TBL1XR1: variants seen among roughly 807,000 people sequenced by gnomAD.
TBL1XR1 encodes the protein TBL1X/Y related 1.
TBL1XR1 carries 5 observed loss-of-function variants against 66.9 expected under a neutral mutation model. The ratio of observed to expected loss-of-function variants is 0.07; its 90% CI spans 0.04 to 0.16. The LOEUF (loss-of-function observed/expected upper bound fraction) is 0.16, where lower values mean the gene tolerates loss of function less well. Ranked by LOEUF, TBL1XR1 falls within the 10% of genes least tolerant of loss-of-function variation. TBL1XR1 has a pLI of 1.00. For missense variants in TBL1XR1, 238 were observed against 623.2 expected (o/e 0.38, Z 6.58); for synonymous variants, 210 against 206.0 (o/e 1.02, Z -0.17).
intron 1 of TBL1XR1, among the ~76,000 whole-genome samples, chr3:177,184,344 A>G (rs989534751): frequency 6.6e-6 from 1 of 152,248 alleles, no homozygotes; most frequent in African/African-American, 2.4e-5. Context: ...TACTATAATT[A>G]TTAAAGTCAA....
At chr3:177,175,738 T>A (rs1421576584) in intron 1 of TBL1XR1, among the ~76,000 whole-genome samples, 1 of 152,104 alleles carries the variant, frequency 6.6e-6, no homozygotes, top group Non-Finnish European at 1.5e-5. Flanking sequence ...TTTACTTATT[T>A]TGGTGACCTA....
At chr3:177,120,915 A>G (rs1726910066) in intron 1 of TBL1XR1, 1 of 152,210 alleles carries the variant, frequency 6.6e-6, no homozygotes, top group Non-Finnish European at 1.5e-5. Context: ...TATTTTATAC[A>G]TGGCCCTAAA....
chr3:177,087,705 T>A (rs891447531), intron 2 of TBL1XR1, among the ~76,000 whole-genome samples: 24 of 146,370 alleles, frequency 1.6e-4, no homozygotes, highest in Admixed American at 4.9e-4. Context: ...TTTTTTTTTT[T>A]AAATCATGCA....
chr3:177,046,060 T>C, intron 10 of TBL1XR1, 69 bp downstream of exon 10: 1 of 1,157,400 alleles, frequency 8.6e-7, no homozygotes, highest in Non-Finnish European at 1.2e-6. Flanking sequence ...ATAAATTATA[T>C]GCTGTTAAAA....
At chr3:177,150,299 A>C (rs902334185) in intron 1 of TBL1XR1, among the ~76,000 whole-genome samples, 3 of 152,202 alleles carry the variant, frequency 2.0e-5, no homozygotes, top group African/African-American at 7.2e-5. Flanking sequence ...AGAGGAGCAA[A>C]CAGTGTGGTG....
At chr3:177,146,544 C>T (rs1454229620) in intron 1 of TBL1XR1, among the ~76,000 whole-genome samples, 51 of 138,536 alleles carry the variant, frequency 3.7e-4, no homozygotes, top group Non-Finnish European at 1.7e-4. Flanking sequence ...AAGCCAAGAT[C>T]ACGCCACTGC....
At chr3:177,140,763 T>A (rs1729539756) in intron 1 of TBL1XR1, among the ~76,000 whole-genome samples, 1 of 152,202 alleles carries the variant, frequency 6.6e-6, no homozygotes, top group African/African-American at 2.4e-5. Flanking sequence ...ATAATAGTCA[T>A]AACAGTAATT....
At chr3:177,174,012 T>C (rs1486646621) in intron 1 of TBL1XR1, among the ~76,000 whole-genome samples, 5 of 152,280 alleles carry the variant, frequency 3.3e-5, no homozygotes, top group South Asian at 2.1e-4. Flanking sequence ...TAATCCGAAA[T>C]TCAAAAATTA....
upstream of TBL1XR1, among the ~76,000 whole-genome samples, chr3:177,199,851 G>A (rs375379724): frequency 6.6e-5 from 10 of 152,136 alleles, no homozygotes; most frequent in African/African-American, 1.9e-4. Context: ...ATTTCTGTGC[G>A]TAAATGACTG....
chr3:177,153,317 GAAA>G (rs1731113739), intron 1 of TBL1XR1, among the ~76,000 whole-genome samples: 1 of 152,124 alleles, frequency 6.6e-6, no homozygotes, highest in South Asian at 2.1e-4. Flanking sequence ...TCAGCAGAAA[GAAA>G]ACAGCAGATA....
Position 177,038,388 on chromosome 3 carries a change from A to G in TBL1XR1, c.972T>C (p.Ser324=). The change falls in exon 11 of 16, where the codon TCT becomes TCC. Residue 324 remains serine (S), a synonymous_variant. Coordinates refer to ENST00000457928, the MANE Select transcript of TBL1XR1 (RefSeq NM_024665.7). ...VDWQSNNTFA[S]CSTDMCIHVC... is the part of the protein sequence containing the mutation. ...CATGAATGCACATATCTGTACTACA[A>G]GAAGCAAAGGTGTTGTTGCTCTGCC... The G allele has an allele frequency of 1.3e-6, 2 of 1,579,664 alleles. No homozygotes were observed. The highest frequency in any genetic ancestry group is 1.7e-6 in the Non-Finnish European group (2 of 1,160,816).
intron 1 of TBL1XR1, among the ~76,000 whole-genome samples, chr3:177,193,147 C>T (rs527281369): frequency 2.4e-4 from 37 of 151,232 alleles, no homozygotes; most frequent in African/African-American, 4.1e-4. Flanking sequence ...AGCGAAACTC[C>T]GTCTCAAAAA....
At chr3:177,032,847 T>G in intron 14 of TBL1XR1, 124 bp downstream of exon 14, 1 of 801,212 alleles carries the variant, frequency 1.2e-6, no homozygotes, top group Non-Finnish European at 1.7e-6. Flanking sequence ...CTATCTTATT[T>G]TAAAACCAAT....
chr3:177,148,113 GAAGA>G (rs1253945470), intron 1 of TBL1XR1, among the ~76,000 whole-genome samples: 1 of 152,154 alleles, frequency 6.6e-6, no homozygotes, highest in Non-Finnish European at 1.5e-5. Flanking sequence ...TGTTCTGAAT[GAAGA>G]ATCAATTTTA....
chr3:177,177,175 T>C (rs762411599), intron 1 of TBL1XR1, among the ~76,000 whole-genome samples: 15 of 152,038 alleles, frequency 9.9e-5, no homozygotes, highest in Admixed American at 2.6e-4. Flanking sequence ...GAAGTTTCTA[T>C]CATATAACTA....
chr3:177,194,609 C>A (rs1348266698), intron 1 of TBL1XR1, among the ~76,000 whole-genome samples: 1 of 152,168 alleles, frequency 6.6e-6, no homozygotes, highest in African/African-American at 2.4e-5. Context: ...TGTATATATA[C>A]TGCACTGATA....
At chr3:177,084,099 A>AG (rs1364434912) in intron 2 of TBL1XR1, among the ~76,000 whole-genome samples, 1 of 148,686 alleles carries the variant, frequency 6.7e-6, no homozygotes, top group Admixed American at 6.9e-5. Flanking sequence ...AAAAAAAAAA[A>AG]AAAGAAAAAA....
intron 1 of TBL1XR1, among the ~76,000 whole-genome samples, chr3:177,184,667 G>A (rs1050114005): frequency 5.9e-5 from 9 of 152,096 alleles, no homozygotes; most frequent in Non-Finnish European, 1.3e-4. Context: ...CAGGTATGGT[G>A]GCACATGCCT....
intron 7 of TBL1XR1, 200 bp from the exon 8 acceptor site, chr3:177,047,749 GGCC>G (rs755860621): frequency 1.4e-5 from 8 of 557,742 alleles, no homozygotes; most frequent in Non-Finnish European, 2.2e-5. Context: ...GTTGTATGGG[GGCC>G]TTATATCCAA....
Sources: gnomAD v4.1 joint callset for allele counts (sites outside exome capture counted in the v4.1 genomes callset) on GRCh38, gnomAD v4.1.1 for gene constraint, MANE v1.5 for transcripts, NCBI Gene and HGNC (gene_info 2026-07-23, HGNC 2026-07-21) for gene names.